Variants in LRBA observed in about 807,000 individuals in gnomAD.
The protein encoded by LRBA is LPS responsive beige-like anchor protein.
Under a neutral mutation model 330.0 loss-of-function variants are expected in LRBA, and 176 were observed. The ratio of observed to expected loss-of-function variants is 0.53; its 90% CI spans 0.47 to 0.60. The LOEUF (loss-of-function observed/expected upper bound fraction) is 0.60, where lower values mean the gene tolerates loss of function less well. Among genes scored for constraint, LRBA ranks in the 20% least tolerant of loss-of-function variants. The probability of loss-of-function intolerance (pLI) is 0.00; values close to 1 mark genes in which losing one functional copy is unlikely to be tolerated. For synonymous variants in LRBA, 1,230 were observed against 1,193.0 expected, an observed-to-expected ratio of 1.03 and a Z score of -0.64; for missense variants, 3,259 against 3,444.8, an observed-to-expected ratio of 0.95 and a Z score of 1.35.
At chr4:150,485,795 C>T (rs1302595531) in intron 42 of LRBA, among the ~76,000 whole-genome samples, 1 of 151,904 alleles carries the variant, frequency 6.6e-6, no homozygotes, top group East Asian at 1.9e-4. Flanking sequence ...CCCTAGAAAA[C>T]TAATATAGTA....
intron 37 of LRBA, among the ~76,000 whole-genome samples, chr4:150,655,102 C>T (rs1780060128): frequency 6.6e-6 from 1 of 152,106 alleles, no homozygotes; most frequent in Non-Finnish European, 1.5e-5. Context: ...AGTCCTAGAT[C>T]CCTGAGGAAT....
intron 42 of LRBA, among the ~76,000 whole-genome samples, chr4:150,486,516 G>C (rs2152090920): frequency 6.6e-6 from 1 of 151,788 alleles, no homozygotes; most frequent in South Asian, 2.1e-4. Context: ...TCAGCAATGA[G>C]GGAATTACTC....
chr4:150,752,897 G>A (rs1239904223), intron 35 of LRBA, among the ~76,000 whole-genome samples: 1 of 152,068 alleles, frequency 6.6e-6, no homozygotes, highest in African/African-American at 2.4e-5. Flanking sequence ...TCTAGAATGT[G>A]CAAATAAAAA....
At chr4:150,308,608 C>T (rs1273084658) in intron 52 of LRBA, among the ~76,000 whole-genome samples, 1 of 152,172 alleles carries the variant, frequency 6.6e-6, no homozygotes, top group Non-Finnish European at 1.5e-5. Context: ...GAGATGAAAG[C>T]TCCATGCGTG....
At chr4:151,000,768 A>C (rs1426272885) in intron 2 of LRBA, among the ~76,000 whole-genome samples, 1 of 152,264 alleles carries the variant, frequency 6.6e-6, no homozygotes, top group Non-Finnish European at 1.5e-5. Context: ...ACTAGGAATA[A>C]CCAAAATAGT....
intron 56 of LRBA, among the ~76,000 whole-genome samples, chr4:150,269,010 A>AAAACTT (rs58937703): frequency 0.89 from 134,631 of 151,768 alleles, 60,252 homozygotes; most frequent in Middle Eastern, 0.95. Context: ...AAACAAAACA[A>AAAACTT]AAGAGCTAAT....
intron 2 of LRBA, among the ~76,000 whole-genome samples, chr4:150,980,498 TAA>T (rs1740711393): frequency 6.6e-6 from 1 of 151,914 alleles, no homozygotes; most frequent in South Asian, 2.1e-4. Context: ...GAGAAAGAAA[TAA>T]AGAGTGGTGG....
intron 40 of LRBA, among the ~76,000 whole-genome samples, chr4:150,503,015 A>G (rs1760499825): frequency 6.6e-6 from 1 of 152,190 alleles, no homozygotes; most frequent in South Asian, 2.1e-4. Context: ...AGGGGTGCCC[A>G]ACATTGCCCA....
At chr4:150,381,496 T>C (rs922951864) in intron 47 of LRBA, among the ~76,000 whole-genome samples, 3 of 152,250 alleles carry the variant, frequency 2.0e-5, no homozygotes, top group African/African-American at 7.2e-5. Context: ...CATCATGTTT[T>C]CATGGTTCAT....
intron 37 of LRBA, among the ~76,000 whole-genome samples, chr4:150,660,787 T>G (rs1253237054): frequency 8.1e-6 from 1 of 122,802 alleles, no homozygotes; most frequent in African/African-American, 3.0e-5. Context: ...CTGTGCTCTC[T>G]GAAACATGTG....
chr4:150,505,486 T>C (rs1760931412), intron 40 of LRBA, among the ~76,000 whole-genome samples: 1 of 152,060 alleles, frequency 6.6e-6, no homozygotes, highest in Non-Finnish European at 1.5e-5. Context: ...GACTACTGGG[T>C]ACATAACGAA....
chr4:150,970,556 T>G (rs200497192), intron 2 of LRBA: 2 of 41,684 alleles, frequency 4.8e-5, no homozygotes, highest in East Asian at 2.7e-3. Flanking sequence ...TGTGTGTGTG[T>G]ACACACACAC....
rs747204894 is a variant in LRBA, at chr4:150,599,016, C to T, written c.6037G>A (p.Val2013Met). The change falls in exon 38 of 57, where the codon GTG becomes ATG. Residue 2013 changes from valine to methionine, a missense_variant. Physicochemically the swap from Val to Met is conservative, Grantham distance 21 (BLOSUM62 1). Transcript: ENST00000651943. ...THPEATLKTAVEHATDEDILA... is the reference protein window; with the variant it reads ...THPEATLKTAMEHATDEDILA... Reference sequence around the variant, plus strand: ...TGGTTTATACACTGACCATGTTCCACGGCTGTTTTTAGTGTCGCTTCAGGA... The same window carrying T: ...TGGTTTATACACTGACCATGTTCCATGGCTGTTTTTAGTGTCGCTTCAGGA... The T allele has an allele frequency of 2.2e-5, 36 of 1,613,902 alleles. No individual in the cohort carries two copies. Among genetic ancestry groups the T allele is most frequent in the Middle Eastern group, 1.6e-4 (1 of 6,084 alleles).
At chr4:150,830,757 CTTTTT>C (rs57178610) in intron 29 of LRBA, among the ~76,000 whole-genome samples, 3 of 81,986 alleles carry the variant, frequency 3.7e-5, no homozygotes, top group Non-Finnish European at 7.4e-5. Flanking sequence ...TACAGAGTTA[CTTTTT>C]TTTTTTTTTT....
rs75203770 is a variant in LRBA at position 150,684,234 on chromosome 4, A to G, written c.5755-517T>C. On this transcript the variant is annotated intron_variant, in intron 36 of 56. Transcript: ENST00000651943. The stretch of plus-strand genomic sequence containing the variant: ...AGCTGCTATTTAGAGAATGGATTGT[A>G]GTGGGACAAGAGAAGTGAAGTTGGC... Among the ~76,000 whole-genome samples, 480 of 152,322 alleles carry G rather than the reference A, an allele frequency of 3.2e-3. 13 individuals are homozygous for G. The East Asian group carries it at 0.065, about 21-fold the overall frequency.
intron 37 of LRBA, among the ~76,000 whole-genome samples, chr4:150,635,942 A>G (rs988911252): frequency 2.6e-5 from 4 of 152,166 alleles, no homozygotes; most frequent in Non-Finnish European, 4.4e-5. Flanking sequence ...ATTACAGGTC[A>G]ATTATTTTGT....
intron 55 of LRBA, among the ~76,000 whole-genome samples, chr4:150,280,483 A>G (rs7654538): frequency 0.51 from 77,400 of 152,062 alleles, 20,645 homozygotes; most frequent in South Asian, 0.59. Context: ...GCTGCTCTGT[A>G]CAGGCTGCCT....
At chr4:150,444,554 C>T (rs1347496288) in intron 44 of LRBA, among the ~76,000 whole-genome samples, 5 of 151,998 alleles carry the variant, frequency 3.3e-5, no homozygotes, top group African/African-American at 9.7e-5. Flanking sequence ...TATATAAGGC[C>T]GAAATGGTTT....
chr4:150,981,392 G>A (rs1322059485), intron 2 of LRBA, among the ~76,000 whole-genome samples: 6 of 141,560 alleles, frequency 4.2e-5, no homozygotes, highest in African/African-American at 8.0e-5. Flanking sequence ...CAGCCTCGGC[G>A]ACGGAGTGAG....
Sources: gnomAD v4.1 joint callset for allele counts (sites outside exome capture counted in the v4.1 genomes callset) on GRCh38, gnomAD v4.1.1 for gene constraint, MANE v1.5 for transcripts, NCBI Gene and HGNC (gene_info 2026-07-23, HGNC 2026-07-21) for gene names.